The following HEATR5A variants were observed in gnomAD, a reference collection of about 807,000 sequenced individuals.
HEATR5A encodes HEAT repeat-containing protein 5A.
HEATR5A carries 178 observed loss-of-function variants against 218.8 expected under a neutral mutation model. That is an observed-to-expected ratio of 0.81 (90% CI 0.72 to 0.92). The LOEUF (loss-of-function observed/expected upper bound fraction) is 0.92, where lower values mean the gene tolerates loss of function less well. Ranked by LOEUF, HEATR5A falls within the 40% of genes least tolerant of loss-of-function variation. HEATR5A has a pLI of 0.00. For missense variants in HEATR5A, 2,420 were observed against 2,418.9 expected (o/e 1.00, Z -0.01); for synonymous variants, 864 against 871.6 (o/e 0.99, Z 0.15).
chr14:31,340,415 C>CA, intron 21 of HEATR5A: 2 of 1,273,494 alleles, frequency 1.6e-6, no homozygotes, highest in Non-Finnish European at 2.0e-6. Flanking sequence ...CCGCAAAACT[C>CA]AAAAAAAGTT....
intron 11 of HEATR5A, among the ~76,000 whole-genome samples, chr14:31,379,227 G>A (rs139053301): frequency 6.9e-6 from 1 of 145,798 alleles, no homozygotes; most frequent in East Asian, 2.1e-4. Flanking sequence ...GGATTACGGC[G>A]TGAGCCACTG....
intron 1 of HEATR5A, among the ~76,000 whole-genome samples, chr14:31,407,598 A>ATATTTATATATATT (rs2031121631): frequency 5.4e-3 from 3 of 552 alleles, no homozygotes; most frequent in African/African-American, 0.011. Flanking sequence ...ATATATATAT[A>ATATTTATATATATT]TATATATATA....
At chr14:31,403,761 C>T (rs2030960115) in intron 1 of HEATR5A, among the ~76,000 whole-genome samples, 1 of 152,188 alleles carries the variant, frequency 6.6e-6, no homozygotes, top group African/African-American at 2.4e-5. Flanking sequence ...ACAGAAGACA[C>T]AGGGTTTGTA....
At chr14:31,406,290 A>T (rs1166171759) in intron 1 of HEATR5A, among the ~76,000 whole-genome samples, 1 of 152,226 alleles carries the variant, frequency 6.6e-6, no homozygotes, top group Non-Finnish European at 1.5e-5. Context: ...ATGTCAATAT[A>T]TTTAAATATA....
chr14:31,375,581 T>C (rs767930481), intron 11 of HEATR5A, among the ~76,000 whole-genome samples: 2 of 152,038 alleles, frequency 1.3e-5, no homozygotes, highest in Non-Finnish European at 2.9e-5. Context: ...TTTGTATTTT[T>C]TGGTAGAGAT....
At chr14:31,405,704 G>A (rs940527972) in intron 1 of HEATR5A, among the ~76,000 whole-genome samples, 2 of 152,158 alleles carry the variant, frequency 1.3e-5, no homozygotes, top group Non-Finnish European at 2.9e-5. Flanking sequence ...CAGTATCATA[G>A]AGAAAATTTC....
intron 20 of HEATR5A, 50 bp from the exon 21 acceptor site, chr14:31,344,115 C>T (rs1474492745): frequency 2.7e-6 from 3 of 1,121,750 alleles, no homozygotes; most frequent in South Asian, 2.2e-5. Flanking sequence ...AAAAACATTA[C>T]TCTTTAAACA....
At position 31,374,931 on chromosome 14, in the gene HEATR5A, C is replaced by G. The variant is rs773285953; in HGVS notation, c.1746G>C (p.Leu582=). The G allele has an allele frequency of 1.9e-6, 3 of 1,611,832 alleles. No homozygotes were observed. In the Admixed American group the frequency reaches 5.0e-5, roughly 27 times the overall value. The part of the protein sequence containing the change: ...AVVSHHLARV[L]LLWKCVFPAS... ...CTGGAAAGACACACTTCCACAACAG[C>G]AGAACTCGAGCAAGGTGATGGCTAA... The change falls in exon 12 of 36, where the codon CTG becomes CTC. Residue 582 remains leucine, a synonymous_variant. Coordinates refer to ENST00000543095, the MANE Select transcript of HEATR5A (RefSeq NM_015473.4).
intron 22 of HEATR5A, among the ~76,000 whole-genome samples, chr14:31,333,032 G>C (rs1900528231): frequency 6.6e-6 from 1 of 151,576 alleles, no homozygotes; most frequent in Non-Finnish European, 1.5e-5. Context: ...TGAGCCTGAT[G>C]CAGAGCAAGG....
chr14:31,381,558 G>GAA (rs142591545), intron 10 of HEATR5A, among the ~76,000 whole-genome samples: 36 of 53,734 alleles, frequency 6.7e-4, no homozygotes, highest in African/African-American at 1.9e-3. Context: ...TGTCTCCTTG[G>GAA]AAAAAAAAAA....
At chr14:31,320,626 G>T in intron 25 of HEATR5A, 1 of 687,340 alleles carries the variant, frequency 1.5e-6, no homozygotes, top group South Asian at 1.4e-5. Flanking sequence ...ATACCCCGGT[G>T]GTCTGCATTT....
chr14:31,368,706 T>G lies in HEATR5A; in HGVS notation c.1961+3104A>C, dbSNP rs1052858436. On this transcript the variant is annotated intron_variant, in intron 13 of 35. Coordinates refer to ENST00000543095, the MANE Select transcript of HEATR5A (RefSeq NM_015473.4). ...CAGTACATCTGACTCTATTTATTTA[T>G]TTATTTATTTATTTATTTATTTATT... Among the ~76,000 whole-genome samples, 584 of 91,566 alleles carry G rather than the reference T, an allele frequency of 6.4e-3. 1 individual carries two copies. The highest frequency in any genetic ancestry group is 0.024 in the African/African-American group (560 of 22,858). The allele number at this position is 91,566 out of a possible 152,430, so 60.1% of individuals were successfully genotyped here. A position where few individuals can be genotyped will look rare whatever the true frequency, so the allele number is the denominator to read the frequency against.
chr14:31,360,802 AG>A (rs1566767891), intron 14 of HEATR5A, among the ~76,000 whole-genome samples: 1 of 152,142 alleles, frequency 6.6e-6, no homozygotes, highest in Non-Finnish European at 1.5e-5. Context: ...CATTAGCAGC[AG>A]TAACAGTAGT....
At chr14:31,299,308 A>C (rs1899288527) in intron 33 of HEATR5A, among the ~76,000 whole-genome samples, 1 of 152,168 alleles carries the variant, frequency 6.6e-6, no homozygotes, top group Non-Finnish European at 1.5e-5. Context: ...TCATCATTTT[A>C]ATCCTTTTTG....
At chr14:31,381,238 G>C (rs1192548518) in intron 10 of HEATR5A, among the ~76,000 whole-genome samples, 1 of 152,086 alleles carries the variant, frequency 6.6e-6, no homozygotes, top group Non-Finnish European at 1.5e-5. Flanking sequence ...AACAGAGTGA[G>C]ACTCAGTCTC....
In HEATR5A at chr14:31,386,519, C is replaced by T. The variant is rs61743201; in HGVS notation, c.1246G>A (p.Ala416Thr). The change falls in exon 9 of 36, where the codon GCT becomes ACT. Residue 416 changes from alanine to threonine, a missense_variant. Physicochemically the swap from Ala to Thr is moderately conservative, Grantham distance 58. Coordinates refer to ENST00000543095, the MANE Select transcript of HEATR5A (RefSeq NM_015473.4). The stretch of plus-strand genomic sequence containing the variant: ...GCACAAACCAGCATATGTTGGCTAG[C>T]GGCTACATCTGTGGAACCAAGCCGG... ...ETRLGSTDVA[A>T]SQHMLVCALQ... 707 of 1,606,586 alleles carry T rather than the reference C, an allele frequency of 4.4e-4. 2 individuals are homozygous for T. In the African/African-American group the frequency reaches 7.7e-3, roughly 17 times the overall value.
intron 32 of HEATR5A, among the ~76,000 whole-genome samples, chr14:31,303,435 AAAAC>A (rs149482008): frequency 0.013 from 1,909 of 152,260 alleles, 34 homozygotes; most frequent in East Asian, 0.063. Context: ...TCCATTTCAA[AAAAC>A]AAACAAACAA....
At position 31,358,913 on chromosome 14, in the gene HEATR5A, T is replaced by C. The variant is rs1217867442; in HGVS notation, c.2216A>G (p.His739Arg). The change falls in exon 15 of 36, where the codon CAT becomes CGT. Residue 739 changes from histidine to arginine, a missense_variant. Physicochemically the swap from His to Arg is conservative, Grantham distance 29. Transcript: ENST00000543095. Reference sequence around the variant, plus strand: ...CCATACCTGTTCTTCAATAAATCTATGGTCAGTCTCTTGTAGGAAAGGACT... The same window carrying C: ...CCATACCTGTTCTTCAATAAATCTACGGTCAGTCTCTTGTAGGAAAGGACT... ...ILSPFLQETD[H>R]RFIEEQLLLG... 1 of 1,595,746 alleles carries C rather than the reference T, an allele frequency of 6.3e-7. No individual in the cohort carries two copies. Among genetic ancestry groups the C allele is most frequent in the East Asian group, 2.2e-5 (1 of 44,774 alleles).
At chr14:31,396,375 C>T (rs1175006330) in intron 4 of HEATR5A, among the ~76,000 whole-genome samples, 2 of 151,662 alleles carry the variant, frequency 1.3e-5, no homozygotes, top group Non-Finnish European at 2.9e-5. Context: ...CAATCGGAGG[C>T]AGAGGGTGCA....
Sources: gnomAD v4.1 joint callset for allele counts (sites outside exome capture counted in the v4.1 genomes callset) on GRCh38, gnomAD v4.1.1 for gene constraint, MANE v1.5 for transcripts, NCBI Gene and HGNC (gene_info 2026-07-23, HGNC 2026-07-21) for gene names.